The following FRMPD1 variants were observed in gnomAD, a reference collection of about 807,000 sequenced individuals.
FRMPD1 encodes the protein FERM and PDZ domain containing 1, also known as FERM and PDZ domain-containing protein 1.
FRMPD1 carries 76 observed loss-of-function variants against 117.8 expected under a neutral mutation model. That is an observed-to-expected ratio of 0.65 (90% confidence interval 0.54 to 0.78). The LOEUF (loss-of-function observed/expected upper bound fraction) is 0.78, where lower values mean the gene tolerates loss of function less well. FRMPD1 is among the 30% of genes least tolerant of loss of function. The probability of loss-of-function intolerance (pLI) is 0.00; values close to 1 mark genes in which losing one functional copy is unlikely to be tolerated. For synonymous variants in FRMPD1, 783 were observed against 770.4 expected (o/e 1.02, Z -0.27); for missense variants, 1,786 against 1,964.5 (o/e 0.91, Z 1.72).
chr9:37,612,139 G>A, the FRMPD1 span, among the ~76,000 whole-genome samples: 2 of 152,102 alleles, frequency 1.3e-5, no homozygotes, highest in Admixed American at 6.5e-5. Flanking sequence ...GATGTGGATT[G>A]ACCAGTAAAC....
chr9:37,746,343 A>G lies in FRMPD1; in HGVS notation c.4311A>G (p.Glu1437=). ...ESLLELQDIL[E]TSWGVGNKHP... The stretch of plus-strand genomic sequence containing the variant: ...TGCTGGAGCTACAAGACATTTTAGA[A>G]ACTTCCTGGGGGGTTGGAAACAAAC... Residue 1437 remains glutamate, a synonymous_variant, in exon 16 of 16, where the codon GAA becomes GAG. Coordinates refer to ENST00000377765, the MANE Select transcript of FRMPD1 (RefSeq NM_014907.3). 1.2e-6 allele frequency: 2 copies of G among 1,612,648 alleles called. No individual in the cohort carries two copies. The highest frequency in any genetic ancestry group is 1.7e-6 in the Non-Finnish European group (2 of 1,179,730).
upstream of FRMPD1, among the ~76,000 whole-genome samples, chr9:37,650,305 G>C (rs1820624727): frequency 6.6e-6 from 1 of 152,206 alleles, no homozygotes; most frequent in Non-Finnish European, 1.5e-5. Context: ...GCTGAGTGCA[G>C]AGTCCCAGGG....
intron 6 of FRMPD1, among the ~76,000 whole-genome samples, chr9:37,724,014 T>TA (rs949135269): frequency 6.2e-5 from 9 of 145,552 alleles, no homozygotes; most frequent in African/African-American, 1.5e-4. Flanking sequence ...ATAAAAAAAA[T>TA]AAAAAAAAAT....
the FRMPD1 span, among the ~76,000 whole-genome samples, chr9:37,612,183 T>C: frequency 6.6e-6 from 1 of 152,198 alleles, no homozygotes; most frequent in Non-Finnish European, 1.5e-5. Context: ...TTCATTATTG[T>C]TAGCACTGTT....
In FRMPD1 at chr9:37,692,666, T is replaced by G. The variant is rs759212700; in HGVS notation, c.25T>G (p.Phe9Val). 5.0e-6 allele frequency: 8 copies of G among 1,613,316 alleles called. No individual in the cohort carries two copies. In the East Asian group the frequency reaches 1.8e-4, roughly 36 times the overall value. Reference sequence around the variant, plus strand: ...AATGGAAGAGCTGGAGACCAGTTTATTCCAGACACGGAAAGCACATAGAAT... The same window carrying G: ...AATGGAAGAGCTGGAGACCAGTTTAGTCCAGACACGGAAAGCACATAGAAT... MEELETSLFQTRKAHRIEQ... is the reference protein window; with the variant it reads MEELETSLVQTRKAHRIEQ... The change falls in exon 2 of 16, where the codon TTC (phenylalanine) becomes GTC (valine). Residue 9 changes from phenylalanine to valine, a missense_variant. Coordinates refer to ENST00000377765, the MANE Select transcript of FRMPD1 (RefSeq NM_014907.3).
the FRMPD1 span, among the ~76,000 whole-genome samples, chr9:37,638,475 C>A: frequency 6.6e-6 from 1 of 152,150 alleles, no homozygotes; most frequent in East Asian, 1.9e-4. Flanking sequence ...GCCCACCTGT[C>A]TGATTATAAA....
chr9:37,644,984 A>G, the FRMPD1 span, among the ~76,000 whole-genome samples: 3 of 151,966 alleles, frequency 2.0e-5, no homozygotes, highest in South Asian at 6.2e-4. Flanking sequence ...AATGAAGCCT[A>G]TGGGAAGTGG....
intron 2 of FRMPD1, among the ~76,000 whole-genome samples, chr9:37,707,087 T>G (rs1387779428): frequency 6.6e-6 from 1 of 152,172 alleles, no homozygotes; most frequent in African/African-American, 2.4e-5. Context: ...AAATGCCACC[T>G]CTTCCAAGTA....
At chr9:37,626,622 GAAAAAAA>G in the FRMPD1 span, among the ~76,000 whole-genome samples, 1 of 48,650 alleles carries the variant, frequency 2.1e-5, no homozygotes, top group African/African-American at 9.3e-5. Flanking sequence ...CCTGGTATCT[GAAAAAAA>G]AAAAAAAAAA....
chr9:37,699,313 G>GTCTC (rs199562590), intron 2 of FRMPD1, among the ~76,000 whole-genome samples: 7 of 131,164 alleles, frequency 5.3e-5, no homozygotes, highest in South Asian at 4.7e-4. Context: ...AATTCTCTCT[G>GTCTC]TCTCTCTCTT....
At chr9:37,613,592 T>C in the FRMPD1 span, among the ~76,000 whole-genome samples, 3 of 152,332 alleles carry the variant, frequency 2.0e-5, no homozygotes, top group African/African-American at 7.2e-5. Flanking sequence ...AATTTGTTCC[T>C]AGCGTTCTCT....
In FRMPD1 at chr9:37,740,243, G is replaced by A; in HGVS notation, c.1715G>A (p.Gly572Asp). The A allele has an allele frequency of 6.2e-7, 1 of 1,613,924 alleles. No individual in the cohort carries two copies. The highest frequency in any genetic ancestry group is 8.5e-7 in the Non-Finnish European group (1 of 1,179,978). Residue 572 changes from glycine (G) to aspartate (D), a missense_variant, in exon 15 of 16, where the codon GGC becomes GAC. By Grantham distance (94) the Gly-to-Asp change is moderately conservative. Coordinates refer to ENST00000377765, the MANE Select transcript of FRMPD1 (RefSeq NM_014907.3). This position sits in a 1 kb window ranked among gnomAD's most constrained non-coding sequence, Gnocchi z 4.2. Reference protein sequence around the residue: ...NSPTPEVARRGPSTCGASSTT... With the variant: ...NSPTPEVARRDPSTCGASSTT... Reference sequence around the variant, plus strand: ...CCCACACCTGAGGTGGCTAGGAGGGGCCCCAGCACCTGCGGGGCCAGCAGC... The same window carrying A: ...CCCACACCTGAGGTGGCTAGGAGGGACCCCAGCACCTGCGGGGCCAGCAGC...
Position 37,746,350 on chromosome 9 carries a change from T to C in FRMPD1, c.4318T>C (p.Trp1440Arg). 4 of 1,612,600 alleles carry C rather than the reference T, an allele frequency of 2.5e-6. No individual in the cohort carries two copies. Among genetic ancestry groups the C allele is most frequent in the Non-Finnish European group, 2.5e-6 (3 of 1,179,692 alleles). Reference sequence around the variant, plus strand: ...GCTACAAGACATTTTAGAAACTTCCTGGGGGGTTGGAAACAAACATCCCCC... The same window carrying C: ...GCTACAAGACATTTTAGAAACTTCCCGGGGGGTTGGAAACAAACATCCCCC... ...LELQDILETSWGVGNKHPPEK... is the reference protein window; with the variant it reads ...LELQDILETSRGVGNKHPPEK... Residue 1440 changes from tryptophan to arginine, a missense_variant, in exon 16 of 16, where the codon TGG becomes CGG. Physicochemically the swap from Trp to Arg is moderately radical, Grantham distance 101 (BLOSUM62 -3). Coordinates refer to ENST00000377765, the MANE Select transcript of FRMPD1 (RefSeq NM_014907.3).
intron 6 of FRMPD1, among the ~76,000 whole-genome samples, chr9:37,720,878 T>A (rs1460013962): frequency 6.6e-6 from 1 of 152,250 alleles, no homozygotes; most frequent in Non-Finnish European, 1.5e-5. Flanking sequence ...AGAGTGAGAC[T>A]TCGTCTCAAA....
At chr9:37,612,515 A>ATTT in the FRMPD1 span, among the ~76,000 whole-genome samples, 10 of 92,070 alleles carry the variant, frequency 1.1e-4, no homozygotes, top group East Asian at 9.3e-4. Context: ...TGCCCAGCTA[A>ATTT]TTTTTTTTTT....
chr9:37,664,305 G>T (rs1980815), intron 1 of FRMPD1, among the ~76,000 whole-genome samples: 83,837 of 149,038 alleles, frequency 0.56, 25,069 homozygotes, highest in African/African-American at 0.78. Context: ...ATGTATGTAT[G>T]TATTTATTTA....
Position 37,740,850 on chromosome 9 carries a change from G to C in FRMPD1, c.2322G>C (p.Ala774=), listed in dbSNP as rs775772934. The change falls in exon 15 of 16, where the codon GCG becomes GCC. Residue 774 remains alanine, a synonymous_variant. Transcript: ENST00000377765. The surrounding 1 kb of genome is among the most constrained non-coding windows in gnomAD (Gnocchi z 4.2). ...GCTCAGATGAGGAATACTATGACGCGGCTGATAAGCTCACTCCCCCAGGCC... is the reference window on the plus strand; with the variant it reads ...GCTCAGATGAGGAATACTATGACGCCGCTGATAAGCTCACTCCCCCAGGCC... The part of the protein sequence containing the change: ...DGSSDEEYYD[A]ADKLTPPGPP... 2 of 1,614,116 alleles carry C rather than the reference G, an allele frequency of 1.2e-6. No homozygotes were observed. Among genetic ancestry groups the C allele is most frequent in the Non-Finnish European group, 1.7e-6 (2 of 1,179,986 alleles).
the FRMPD1 span, among the ~76,000 whole-genome samples, chr9:37,639,722 C>T: frequency 6.6e-6 from 1 of 152,134 alleles, no homozygotes; most frequent in Admixed American, 6.5e-5. Flanking sequence ...CCTCACTTAG[C>T]ACAGTGCCTT....
At chr9:37,718,655 C>T (rs1178556885) in intron 5 of FRMPD1, among the ~76,000 whole-genome samples, 7 of 151,718 alleles carry the variant, frequency 4.6e-5, no homozygotes, top group Admixed American at 3.9e-4. Context: ...GGCCAGAGAG[C>T]GGCAAGGACT....
Sources: gnomAD v4.1 joint callset for allele counts (sites outside exome capture counted in the v4.1 genomes callset) on GRCh38, gnomAD v4.1.1 for gene constraint, Gnocchi (gnomAD v3.1) non-coding constraint, MANE v1.5 for transcripts, NCBI Gene and HGNC (gene_info 2026-07-23, HGNC 2026-07-21) for gene names.